The following GPATCH2 variants were observed in gnomAD, a reference collection of about 807,000 sequenced individuals.
GPATCH2 encodes G patch domain-containing protein 2.
GPATCH2 carries 51 observed loss-of-function variants against 58.0 expected under a neutral mutation model. That is an observed-to-expected ratio of 0.88 (90% confidence interval 0.70 to 1.11). The LOEUF is 1.11. Among genes scored for constraint, GPATCH2 ranks in the 50% most tolerant of loss-of-function variants. The pLI is 0.00. For synonymous variants in GPATCH2, 222 were observed against 218.5 expected (o/e 1.02, Z -0.14); for missense variants, 625 against 652.2 (o/e 0.96, Z 0.45).
chr1:217,455,025 G>C (rs1311200616), intron 8 of GPATCH2, among the ~76,000 whole-genome samples: 1 of 152,224 alleles, frequency 6.6e-6, no homozygotes, highest in Non-Finnish European at 1.5e-5. Flanking sequence ...TGGTATCGTG[G>C]ATCACAGCCT....
chr1:217,518,266 G>A (rs1378152828), intron 5 of GPATCH2, among the ~76,000 whole-genome samples: 1 of 152,108 alleles, frequency 6.6e-6, no homozygotes, highest in Non-Finnish European at 1.5e-5. Flanking sequence ...GAATGTAGTA[G>A]CAAGAGATGA....
At chr1:217,488,842 C>T (rs972870133) in intron 8 of GPATCH2, among the ~76,000 whole-genome samples, 1 of 150,930 alleles carries the variant, frequency 6.6e-6, no homozygotes, top group African/African-American at 2.5e-5. Context: ...CAGACATGCA[C>T]CGCCATAGAC....
intron 5 of GPATCH2, among the ~76,000 whole-genome samples, chr1:217,598,471 CAG>C (rs1491496251): frequency 2.0e-5 from 3 of 151,342 alleles, no homozygotes; most frequent in African/African-American, 7.3e-5. Flanking sequence ...TTTTTTGAGA[CAG>C]AGTCTCGCTC....
At chr1:217,508,783 A>G (rs942183319) in intron 6 of GPATCH2, among the ~76,000 whole-genome samples, 2 of 152,182 alleles carry the variant, frequency 1.3e-5, no homozygotes, top group Non-Finnish European at 2.9e-5. Flanking sequence ...TAATTTCTCT[A>G]GCTGGATTGA....
At chr1:217,487,959 A>G (rs559514925) in intron 8 of GPATCH2, among the ~76,000 whole-genome samples, 1 of 151,946 alleles carries the variant, frequency 6.6e-6, no homozygotes, top group Non-Finnish European at 1.5e-5. Flanking sequence ...TCAGGCTGGT[A>G]TCGAACTCCT....
intron 6 of GPATCH2, among the ~76,000 whole-genome samples, chr1:217,514,427 G>A (rs1272586790): frequency 6.6e-6 from 1 of 152,158 alleles, no homozygotes; most frequent in Admixed American, 6.5e-5. Flanking sequence ...CCAAAGTGCT[G>A]GGATTATGGG....
intron 5 of GPATCH2, among the ~76,000 whole-genome samples, chr1:217,540,305 GCATCT>G: frequency 6.6e-6 from 1 of 152,082 alleles, no homozygotes; most frequent in African/African-American, 2.4e-5. Flanking sequence ...TGCCCCTTTT[GCATCT>G]GGCTGCTAGG....
intron 5 of GPATCH2, among the ~76,000 whole-genome samples, chr1:217,590,864 A>G (rs1452377484): frequency 6.6e-6 from 1 of 152,180 alleles, no homozygotes; most frequent in Non-Finnish European, 1.5e-5. Flanking sequence ...ATTAAGCTCA[A>G]AGGGGTGATT....
chr1:217,567,655 G>T (rs1402171997), intron 5 of GPATCH2, among the ~76,000 whole-genome samples: 1 of 152,158 alleles, frequency 6.6e-6, no homozygotes, highest in African/African-American at 2.4e-5. Flanking sequence ...TCTAGACACC[G>T]TTCATAAACT....
intron 5 of GPATCH2, among the ~76,000 whole-genome samples, chr1:217,545,588 G>A (rs1354962051): frequency 2.0e-5 from 3 of 152,170 alleles, no homozygotes; most frequent in African/African-American, 7.2e-5. Context: ...ACAGTAATTT[G>A]ATTTAATAGC....
At chr1:217,588,067 T>C (rs1667420961) in intron 5 of GPATCH2, among the ~76,000 whole-genome samples, 1 of 152,090 alleles carries the variant, frequency 6.6e-6, no homozygotes, top group Non-Finnish European at 1.5e-5. Flanking sequence ...TATTAGTGTA[T>C]ATGGAATATA....
At chr1:217,546,724 G>A (rs1665073288) in intron 5 of GPATCH2, among the ~76,000 whole-genome samples, 1 of 152,184 alleles carries the variant, frequency 6.6e-6, no homozygotes, top group South Asian at 2.1e-4. Flanking sequence ...CAAAAGCAAT[G>A]GCAACCAAAG....
At chr1:217,491,296 T>TC (rs1383295159) in intron 8 of GPATCH2, among the ~76,000 whole-genome samples, 1 of 152,170 alleles carries the variant, frequency 6.6e-6, no homozygotes, top group Non-Finnish European at 1.5e-5. Flanking sequence ...TTCTTCCCAG[T>TC]CTTTACTCAT....
chr1:217,539,205 G>T (rs1304989090), intron 5 of GPATCH2, among the ~76,000 whole-genome samples: 1 of 151,942 alleles, frequency 6.6e-6, no homozygotes, highest in East Asian at 1.9e-4. Context: ...AATATATTAA[G>T]GCTAATTTCA....
At chr1:217,581,500 G>A (rs1241206541) in intron 5 of GPATCH2, among the ~76,000 whole-genome samples, 4 of 152,188 alleles carry the variant, frequency 2.6e-5, no homozygotes, top group Admixed American at 6.5e-5. Flanking sequence ...TCCAATATAC[G>A]ATGCAAGGCA....
intron 3 of GPATCH2, among the ~76,000 whole-genome samples, chr1:217,612,613 C>G (rs1668687282): frequency 6.6e-6 from 1 of 152,118 alleles, no homozygotes; most frequent in Admixed American, 6.5e-5. Flanking sequence ...TTACACAGAT[C>G]AGGTTTAAGC....
chr1:217,495,148 A>G (rs138818237), intron 7 of GPATCH2: 75 of 254,920 alleles, frequency 2.9e-4, no homozygotes, highest in Middle Eastern at 2.0e-3. Context: ...CCTAGGTACA[A>G]TTGGAAAAAC....
intron 5 of GPATCH2, among the ~76,000 whole-genome samples, chr1:217,536,673 T>C (rs1293670038): frequency 6.6e-6 from 1 of 151,954 alleles, no homozygotes; most frequent in Non-Finnish European, 1.5e-5. Flanking sequence ...ATAACTATAT[T>C]CTTAAAAAAA....
intron 3 of GPATCH2, among the ~76,000 whole-genome samples, chr1:217,613,336 C>A (rs989425481): frequency 3.9e-5 from 6 of 152,026 alleles, no homozygotes; most frequent in African/African-American, 1.4e-4. Context: ...CTACTTTGTC[C>A]TTTTCTTATA....
Sources: allele counts gnomAD v4.1 joint callset (sites outside exome capture counted in the v4.1 genomes callset), GRCh38; gene constraint gnomAD v4.1.1; transcripts MANE v1.5; gene names NCBI Gene and HGNC (gene_info 2026-07-23, HGNC 2026-07-21).